The following DMXL2 variants were observed in gnomAD, a reference collection of about 807,000 sequenced individuals.
DMXL2 encodes dmX-like protein 2.
Under a neutral mutation model 331.1 loss-of-function variants are expected in DMXL2, and 103 were observed. The observed-to-expected ratio is 0.31, with a 90% confidence interval of 0.27 to 0.37. The LOEUF (loss-of-function observed/expected upper bound fraction) is 0.37. Among genes scored for constraint, DMXL2 ranks in the 10% least tolerant of loss-of-function variants. The pLI is 1.00. For synonymous variants in DMXL2, 1,281 were observed against 1,252.1 expected (o/e 1.02, Z -0.49); for missense variants, 3,171 against 3,642.9 (o/e 0.87, Z 3.33).
intron 1 of DMXL2, among the ~76,000 whole-genome samples, chr15:51,586,126 G>GA (rs1340689068): frequency 6.6e-6 from 1 of 152,080 alleles, no homozygotes; most frequent in African/African-American, 2.4e-5. Context: ...ATAAATACAT[G>GA]AAAAAGGAAC....
intron 1 of DMXL2, among the ~76,000 whole-genome samples, chr15:51,580,490 C>T (rs1044213713): frequency 7.2e-5 from 11 of 152,116 alleles, no homozygotes; most frequent in African/African-American, 9.7e-5. Context: ...ATCCCTTGAC[C>T]GGATTATCCC....
Position 51,500,233 on chromosome 15 carries a change from T to A in DMXL2, c.2993-2A>T. On this transcript the variant is annotated splice_acceptor_variant, in intron 17 of 43. Transcript: ENST00000560891. LOFTEE classifies it high-confidence loss of function. ...AAATTGAAGAAGAACTCAGATGGCCTTAAAAAAGAAAAAGCAAATAGTTAG... is the reference window on the plus strand; with the variant it reads ...AAATTGAAGAAGAACTCAGATGGCCATAAAAAAGAAAAAGCAAATAGTTAG... The A allele has an allele frequency of 6.3e-7, 1 of 1,575,562 alleles. No homozygotes were observed. The highest frequency in any genetic ancestry group is 1.4e-5 in the African/African-American group (1 of 72,788).
intron 36 of DMXL2, chr15:51,457,670 ATGT>A: frequency 1.9e-6 from 1 of 516,498 alleles, no homozygotes. Context: ...ATTTAGTCTA[ATGT>A]TGTTTGGGGA....
At chr15:51,527,235 A>G (rs2047724804) in intron 13 of DMXL2, among the ~76,000 whole-genome samples, 1 of 152,150 alleles carries the variant, frequency 6.6e-6, no homozygotes, top group East Asian at 1.9e-4. Context: ...GAAAGGCATG[A>G]CATATTTGAA....
intron 1 of DMXL2, among the ~76,000 whole-genome samples, chr15:51,586,390 T>G (rs17525116): frequency 0.021 from 3,259 of 151,892 alleles, 57 homozygotes; most frequent in Middle Eastern, 0.034. Flanking sequence ...AAAACAAAAA[T>G]CTATGGGAAG....
At chr15:51,451,175 C>T (rs1279144346) in intron 42 of DMXL2, among the ~76,000 whole-genome samples, 2 of 152,068 alleles carry the variant, frequency 1.3e-5, no homozygotes, top group African/African-American at 4.8e-5. Context: ...TGCTTGTAAT[C>T]CCAGTACTTA....
intron 1 of DMXL2, among the ~76,000 whole-genome samples, chr15:51,591,848 T>C (rs1050740168): frequency 3.3e-5 from 5 of 152,302 alleles, no homozygotes; most frequent in Admixed American, 2.0e-4. Flanking sequence ...GACCTGCAGC[T>C]GAGGGTCCTG....
At chr15:51,611,759 G>A (rs2053986457) in intron 1 of DMXL2, among the ~76,000 whole-genome samples, 1 of 152,172 alleles carries the variant, frequency 6.6e-6, no homozygotes, top group African/African-American at 2.4e-5. Context: ...GGGACTTGGA[G>A]AACTTTTCTG....
At chr15:51,491,530 G>A (rs757943572) in intron 20 of DMXL2, 48 bp downstream of exon 20, 18 of 1,537,172 alleles carry the variant, frequency 1.2e-5, no homozygotes, top group Non-Finnish European at 1.6e-5. Flanking sequence ...TTTTTCGTTA[G>A]GAAAAGGTTT....
intron 22 of DMXL2, among the ~76,000 whole-genome samples, chr15:51,487,277 T>A (rs1005875282): frequency 6.6e-6 from 1 of 152,186 alleles, no homozygotes; most frequent in Non-Finnish European, 1.5e-5. Context: ...ATGAATTTCA[T>A]TTAAAAAAAC....
At position 51,543,681 on chromosome 15, in the gene DMXL2, T is replaced by A. The variant is rs147800074; in HGVS notation, c.931-1174A>T. On this transcript the variant is annotated intron_variant, in intron 8 of 43. Transcript: ENST00000560891. ...CAGTAAGGAGTTCCATAGGAAAGGA[T>A]AGGATGTCAGAAAGCCAAGTGGCTC... Among the ~76,000 whole-genome samples, 1,450 of 152,240 alleles carry A rather than the reference T, an allele frequency of 9.5e-3. 18 individuals are homozygous for A. The highest frequency in any genetic ancestry group is 0.033 in the African/African-American group (1,380 of 41,556).
At chr15:51,521,470 G>GGTAGTAGTAGTA (rs1350221640) in intron 13 of DMXL2, among the ~76,000 whole-genome samples, 5 of 148,958 alleles carry the variant, frequency 3.4e-5, no homozygotes, top group African/African-American at 1.2e-4. Flanking sequence ...TAGTGGTAGT[G>GGTAGTAGTAGTA]GTAGTAGTAG....
At position 51,456,164 on chromosome 15, in the gene DMXL2, G is replaced by T; in HGVS notation, c.8428C>A (p.Arg2810=). The T allele has an allele frequency of 2.5e-6, 4 of 1,614,064 alleles. No homozygotes were observed. The highest frequency in any genetic ancestry group is 2.2e-5 in the South Asian group (2 of 91,086). ...YLTGAQDGSV[R]MFEWTRPQQL... ...TGAGGCCGCGTCCATTCAAACATTC[G>T]TACACTGCCGTCCTGAGCACCTGTA... Residue 2810 remains arginine, a synonymous_variant, in exon 39 of 44, where the codon CGA becomes AGA. Coordinates refer to ENST00000560891, the MANE Select transcript of DMXL2 (RefSeq NM_001378457.1).
rs777486286 is a variant in DMXL2, at chr15:51,487,946, A to G, written c.5217+8T>C. 5 of 1,593,056 alleles carry G rather than the reference A, an allele frequency of 3.1e-6. No individual in the cohort carries two copies. The highest frequency in any genetic ancestry group is 4.3e-6 in the Non-Finnish European group (5 of 1,172,958). On this transcript the variant is annotated splice_region_variant and intron_variant, in intron 22 of 43. Coordinates refer to ENST00000560891, the MANE Select transcript of DMXL2 (RefSeq NM_001378457.1). ...CAAGTATTATATAGTGTGTTTTCTT[A>G]TTTATACCTCTATGGCATCTTTCAA...
At chr15:51,601,851 T>C (rs903432935) in intron 1 of DMXL2, among the ~76,000 whole-genome samples, 2 of 152,212 alleles carry the variant, frequency 1.3e-5, no homozygotes, top group African/African-American at 4.8e-5. Flanking sequence ...ATTTTTACAG[T>C]AGTGAATCTT....
chr15:51,474,616 A>C, intron 27 of DMXL2, 24 bp from the exon 28 acceptor site: 1 of 1,572,112 alleles, frequency 6.4e-7, no homozygotes, highest in East Asian at 2.3e-5. Context: ...TAAAATCATA[A>C]GACGTATGTC....
Position 51,536,798 on chromosome 15 carries a change from T to C in DMXL2, c.1682A>G (p.Asn561Ser), listed in dbSNP as rs750656460. Residue 561 changes from asparagine (N) to serine (S), a missense_variant, in exon 12 of 44, where the codon AAT (asparagine) becomes AGT (serine). Physicochemically the swap from Asn to Ser is conservative, Grantham distance 46 (BLOSUM62 1). Coordinates refer to ENST00000560891, the MANE Select transcript of DMXL2 (RefSeq NM_001378457.1). The part of the protein sequence containing the change: ...PSGDASSLSK[N>S]IMMYACINAT... Reference sequence around the variant, plus strand: ...ATTTATACAGGCATACATCATGATATTTTTACTAAGAGAGCTTGCATCACC... The same window carrying C: ...ATTTATACAGGCATACATCATGATACTTTTACTAAGAGAGCTTGCATCACC... The C allele has an allele frequency of 4.3e-6, 7 of 1,613,738 alleles. No homozygotes were observed. In the African/African-American group the frequency reaches 8.0e-5, roughly 18 times the overall value.
chr15:51,511,549 G>T (rs532843915), intron 15 of DMXL2, among the ~76,000 whole-genome samples: 2 of 152,190 alleles, frequency 1.3e-5, no homozygotes, highest in Non-Finnish European at 2.9e-5. Flanking sequence ...AACAGATGCT[G>T]GAGAGGATGT....
At position 51,514,545 on chromosome 15, in the gene DMXL2, T is replaced by C. The variant is rs1336722267; in HGVS notation, c.2541A>G (p.Thr847=). The part of the protein sequence containing the change: ...DAITNQCGSN[T]QLLHVFQEDF... ...CTTCTTGAAACACATGAAGCAACTG[T>C]GTATTTGAGCCACACTACAAATACA... The change falls in exon 15 of 44, where the codon ACA becomes ACG. Residue 847 remains threonine (T), a synonymous_variant. Transcript: ENST00000560891. 1 of 1,589,378 alleles carries C rather than the reference T, an allele frequency of 6.3e-7. No individual in the cohort carries two copies. Among genetic ancestry groups the C allele is most frequent in the East Asian group, 2.3e-5 (1 of 43,776 alleles).
Sources: gnomAD v4.1 joint callset for allele counts (sites outside exome capture counted in the v4.1 genomes callset) on GRCh38, gnomAD v4.1.1 for gene constraint, MANE v1.5 for transcripts, NCBI Gene and HGNC (gene_info 2026-07-23, HGNC 2026-07-21) for gene names.